Variants in CEP44 observed in about 807,000 individuals in gnomAD.
CEP44 encodes centrosomal protein 44, also known as centrosomal protein of 44 kDa.
A neutral mutation model predicts 46.7 loss-of-function variants in CEP44; 45 were observed. That is an observed-to-expected ratio of 0.96 (90% CI 0.76 to 1.24). The LOEUF (loss-of-function observed/expected upper bound fraction) is 1.24. Ranked by LOEUF, CEP44 falls within the 50% of genes most tolerant of loss-of-function variation. The pLI is 0.00. For synonymous variants in CEP44, 142 were observed against 146.0 expected (o/e 0.97, Z 0.20); for missense variants, 475 against 459.7 (o/e 1.03, Z -0.30).
In CEP44 at chr4:174,301,890, G is replaced by GA; in HGVS notation, c.90-146dup. 1 of 673,336 alleles carries GA rather than the reference G, an allele frequency of 1.5e-6. No homozygotes were observed. The highest frequency in any genetic ancestry group is 2.4e-6 in the Non-Finnish European group (1 of 420,584). The allele number at this position is 673,336 out of a possible 1,614,324, so 41.7% of individuals were successfully genotyped here. A position where few individuals can be genotyped will look rare whatever the true frequency, so the allele number is the denominator to read the frequency against. On this transcript the variant is annotated intron_variant, in intron 3 of 11. Coordinates refer to ENST00000503780, the MANE Select transcript of CEP44 (RefSeq NM_001040157.3). This position sits in a 1 kb window ranked among gnomAD's most constrained non-coding sequence, Gnocchi z 4.3. ...GGTTTCAAATGGGGAATGGAATCTAGAAAGTCTCATGTATCACCTAATTAT... is the reference window on the plus strand; with the variant it reads ...GGTTTCAAATGGGGAATGGAATCTAGAAAAGTCTCATGTATCACCTAATTAT...
At chr4:174,304,035 C>T (rs1740074762) in intron 5 of CEP44, among the ~76,000 whole-genome samples, 186 bp downstream of exon 5, 1 of 152,108 alleles carries the variant, frequency 6.6e-6, no homozygotes, top group African/African-American at 2.4e-5. Context: ...GTTTTATACA[C>T]CTGTGACTGG....
At chr4:174,323,087 A>G (rs575549631), downstream of CEP44, among the ~76,000 whole-genome samples, 28 of 152,138 alleles carry the variant, frequency 1.8e-4, no homozygotes, top group Non-Finnish European at 1.3e-4. Context: ...GCAATATGGC[A>G]TACAAGGTAT....
At chr4:174,322,823 T>A (rs2126692166), downstream of CEP44, among the ~76,000 whole-genome samples, 1 of 152,316 alleles carries the variant, frequency 6.6e-6, no homozygotes. Flanking sequence ...ATTGTTATAC[T>A]ACATTTCTGT....
Position 174,317,936 on chromosome 4 carries a change from G to A in CEP44, c.*553G>A, listed in dbSNP as rs1341438488. ...TTCCAATTAACACTGAGAAATTAAGGTTAAGATTCTCCTTTTGTACTGGGA... is the reference window on the plus strand; with the variant it reads ...TTCCAATTAACACTGAGAAATTAAGATTAAGATTCTCCTTTTGTACTGGGA... On this transcript the variant is annotated 3_prime_UTR_variant, in exon 12 of 12. Coordinates refer to ENST00000503780, the MANE Select transcript of CEP44 (RefSeq NM_001040157.3). 1.0e-6 allele frequency: 1 copy of A among 985,396 alleles called. No homozygotes were observed. The highest frequency in any genetic ancestry group is 4.7e-5 in the South Asian group (1 of 21,286). The allele number at this position is 985,396 out of a possible 1,614,324, so 61.0% of individuals were successfully genotyped here.
chr4:174,327,205 A>G (rs1386045101), intron 8 of CEP44, among the ~76,000 whole-genome samples: 1 of 150,096 alleles, frequency 6.7e-6, no homozygotes, highest in Non-Finnish European at 1.5e-5. Context: ...AGAGAGAGAG[A>G]GAAAAAACAG....
Position 174,320,273 on chromosome 4 carries a change from T to G in CEP44, c.*2890T>G, listed in dbSNP as rs942283195. 8.2e-5 allele frequency: 81 copies of G among 982,216 alleles called. No homozygotes were observed. Among genetic ancestry groups the G allele is most frequent in the Non-Finnish European group, 9.7e-5 (80 of 827,256 alleles). The allele number at this position is 982,216 out of a possible 1,614,324, so 60.8% of individuals were successfully genotyped here. A position where few individuals can be genotyped will look rare whatever the true frequency, so the allele number is the denominator to read the frequency against. ...TCTATCATGTTTGCTTGTTTTCCTC[T>G]ACTGTTTTTAATGTGATGTTGTAAT... On this transcript the variant is annotated 3_prime_UTR_variant, in exon 12 of 12. Transcript: ENST00000503780.
At chr4:174,295,083 TC>T (rs534058374) in intron 1 of CEP44, among the ~76,000 whole-genome samples, 433 of 87,198 alleles carry the variant, frequency 5.0e-3, no homozygotes, top group African/African-American at 0.018. Flanking sequence ...GGGGGGCTGA[TC>T]CCCCCACCTC....
chr4:174,293,063 T>C (rs1295547957), intron 1 of CEP44, among the ~76,000 whole-genome samples: 1 of 152,230 alleles, frequency 6.6e-6, no homozygotes. Flanking sequence ...TGAGACTGAC[T>C]TCCAAACCAC....
Position 174,319,846 on chromosome 4 carries a change from A to G in CEP44, c.*2463A>G. ...CTTTATTGGAGTTATTGGACAGATCAGCAAATTGTTATTTTAAAAAGTTTT... is the reference window on the plus strand; with the variant it reads ...CTTTATTGGAGTTATTGGACAGATCGGCAAATTGTTATTTTAAAAAGTTTT... On this transcript the variant is annotated 3_prime_UTR_variant, in exon 12 of 12. Coordinates refer to ENST00000503780, the MANE Select transcript of CEP44 (RefSeq NM_001040157.3). The G allele has an allele frequency of 1.0e-6, 1 of 985,170 alleles. No individual in the cohort carries two copies. Among genetic ancestry groups the G allele is most frequent in the Non-Finnish European group, 1.2e-6 (1 of 829,672 alleles). 61.0% of individuals were successfully genotyped at this position (985,170 alleles called of 1,614,324 possible). A position where few individuals can be genotyped will look rare whatever the true frequency, so the allele number is the denominator to read the frequency against.
Position 174,314,442 on chromosome 4 carries a change from C to CT in CEP44, c.962-1723dup, listed in dbSNP as rs1283632006. On this transcript the variant is annotated intron_variant, in intron 9 of 11. Coordinates refer to ENST00000503780, the MANE Select transcript of CEP44 (RefSeq NM_001040157.3). This position sits in a 1 kb window ranked among gnomAD's most constrained non-coding sequence, Gnocchi z 4.1. ...ATAGCTGGTGTTCTGTAATGGTCCA[C>CT]TCTGTAGCCTCTGGAATCCTCTGTA... Among the ~76,000 whole-genome samples the CT allele has an allele frequency of 1.3e-5, 2 of 152,204 alleles. No homozygotes were observed. The highest frequency in any genetic ancestry group is 2.4e-5 in the African/African-American group (1 of 41,468).
At chr4:174,289,421 C>T (rs553188354) in intron 1 of CEP44, among the ~76,000 whole-genome samples, 5 of 151,322 alleles carry the variant, frequency 3.3e-5, no homozygotes, top group Admixed American at 2.6e-4. Context: ...CATCAATCTC[C>T]TTTTTTGTTA....
At position 174,297,650 on chromosome 4, in the gene CEP44, TAGTGTG is replaced by T. The variant is rs1390591886; in HGVS notation, c.-147-315_-147-310del. 6.0e-5 allele frequency among the ~76,000 whole-genome samples: 6 copies of T among 99,776 alleles called. No individual in the cohort carries two copies. The highest frequency in any genetic ancestry group is 8.7e-5 in the Non-Finnish European group (4 of 46,038). The allele number at this position is 99,776 out of a possible 152,430, so 65.5% of individuals were successfully genotyped here. On this transcript the variant is annotated intron_variant, in intron 1 of 11. Transcript: ENST00000503780. The surrounding 1 kb of genome is among the most constrained non-coding windows in gnomAD (Gnocchi z 4.3). ...GCTGAGATATAGGAAGAAACTTTAT[TAGTGTG>T]TGTGTGTGTGTGTGTGTGTGTGTGT...
intron 6 of CEP44, among the ~76,000 whole-genome samples, chr4:174,305,427 C>T (rs1224467244): frequency 6.6e-6 from 1 of 152,172 alleles, no homozygotes. Context: ...GCAGTCCAGG[C>T]TGGCTGACAG....
At chr4:174,295,751 C>T (rs568122983) in intron 1 of CEP44, among the ~76,000 whole-genome samples, 8 of 152,284 alleles carry the variant, frequency 5.3e-5, no homozygotes, top group Middle Eastern at 3.4e-3. Context: ...CTCGGGAGGC[C>T]GAGGCTCCAT....
intron 1 of CEP44, among the ~76,000 whole-genome samples, chr4:174,293,372 A>T (rs1346283773): frequency 6.6e-6 from 1 of 152,178 alleles, no homozygotes; most frequent in African/African-American, 2.4e-5. Flanking sequence ...ACTTGGACCC[A>T]TCAGGGCACT....
At chr4:174,316,833 T>A (rs1231706744) in intron 11 of CEP44, 1 of 296,354 alleles carries the variant, frequency 3.4e-6, no homozygotes, top group Admixed American at 5.2e-5. Flanking sequence ...AAAGATATTT[T>A]TGGTTGGTAA....
Position 174,314,987 on chromosome 4 carries a change from C to G in CEP44, c.962-1179C>G, listed in dbSNP as rs549512053. 7.4e-4 allele frequency among the ~76,000 whole-genome samples: 112 copies of G among 152,264 alleles called. No homozygotes were observed. Among genetic ancestry groups the G allele is most frequent in the African/African-American group, 2.6e-3 (107 of 41,544 alleles). Reference sequence around the variant, plus strand: ...TAGTCAAATGATATTGAGCCTGGGCCGGGCTGGCCATGTGGTGGAAGTTTA... The same window carrying G: ...TAGTCAAATGATATTGAGCCTGGGCGGGGCTGGCCATGTGGTGGAAGTTTA... On this transcript the variant is annotated intron_variant, in intron 9 of 11. Coordinates refer to ENST00000503780, the MANE Select transcript of CEP44 (RefSeq NM_001040157.3). The surrounding 1 kb of genome is among the most constrained non-coding windows in gnomAD (Gnocchi z 4.1).
chr4:174,284,064 A>G (rs761096892), intron 1 of CEP44, 121 bp downstream of exon 1: 7 of 398,964 alleles, frequency 1.8e-5, no homozygotes, highest in African/African-American at 1.0e-4. Context: ...GTGACTGTGT[A>G]TGGTTGCATA....
rs1190228917 is a variant in CEP44, at chr4:174,312,150, T to A, written c.961+1292T>A. 6.6e-6 allele frequency among the ~76,000 whole-genome samples: 1 copy of A among 152,200 alleles called. No homozygotes were observed. ...ATTCACTGAAAGAATATTGAATGCT[T>A]GTGATTTGCAAAACATTGCCTTTTT... On this transcript the variant is annotated intron_variant, in intron 9 of 11. Coordinates refer to ENST00000503780, the MANE Select transcript of CEP44 (RefSeq NM_001040157.3). The surrounding 1 kb of genome is among the most constrained non-coding windows in gnomAD (Gnocchi z 4.5).
Sources: allele counts gnomAD v4.1 joint callset (sites outside exome capture counted in the v4.1 genomes callset), GRCh38; gene constraint gnomAD v4.1.1; non-coding constraint Gnocchi (gnomAD v3.1); transcripts MANE v1.5; gene names NCBI Gene and HGNC (gene_info 2026-07-23, HGNC 2026-07-21).